The following GNAQ variants were observed in gnomAD, a reference collection of about 807,000 sequenced individuals.
The protein encoded by GNAQ is G protein subunit alpha q, also known as guanine nucleotide-binding protein G(q) subunit alpha.
GNAQ carries 8 observed loss-of-function variants against 43.9 expected under a neutral mutation model. The ratio of observed to expected loss-of-function variants is 0.18; its 90% CI spans 0.11 to 0.33. The LOEUF (loss-of-function observed/expected upper bound fraction) is 0.33, where lower values mean the gene tolerates loss of function less well. Among genes scored for constraint, GNAQ ranks in the 10% least tolerant of loss-of-function variants. GNAQ has a pLI of 1.00. For missense variants in GNAQ, 158 were observed against 450.8 expected (o/e 0.35, Z 5.88); for synonymous variants, 155 against 170.7 (o/e 0.91, Z 0.71).
chr9:77,939,926 G>A (rs1340345986), intron 1 of GNAQ, among the ~76,000 whole-genome samples: 1 of 152,122 alleles, frequency 6.6e-6, no homozygotes, highest in East Asian at 1.9e-4. Flanking sequence ...TTACCTCACA[G>A]TTATGTACTC....
intron 5 of GNAQ, among the ~76,000 whole-genome samples, chr9:77,758,947 T>TA (rs986640082): frequency 5.3e-5 from 8 of 152,108 alleles, no homozygotes; most frequent in South Asian, 2.1e-4. Context: ...GCTGTATGTT[T>TA]AAAAAAAATC....
chr9:77,992,284 T>C (rs1404839621), intron 1 of GNAQ, among the ~76,000 whole-genome samples: 1 of 152,216 alleles, frequency 6.6e-6, no homozygotes, highest in Admixed American at 6.5e-5. Context: ...TAAAATTGGC[T>C]AGTCAACTAC....
intron 1 of GNAQ, among the ~76,000 whole-genome samples, chr9:78,005,441 T>A (rs1349521763): frequency 6.6e-6 from 1 of 152,222 alleles, no homozygotes; most frequent in Admixed American, 6.5e-5. Context: ...CCCCATTGTC[T>A]GGGGAAGCGG....
At chr9:77,782,487 T>G (rs78467621) in intron 5 of GNAQ, among the ~76,000 whole-genome samples, 5,612 of 152,188 alleles carry the variant, frequency 0.037, 304 homozygotes, top group African/African-American at 0.12. Flanking sequence ...TCCCAAACAC[T>G]GACCACATCA....
At chr9:77,873,130 A>C (rs1828069116) in intron 2 of GNAQ, among the ~76,000 whole-genome samples, 1 of 152,188 alleles carries the variant, frequency 6.6e-6, no homozygotes, top group Non-Finnish European at 1.5e-5. Context: ...CATTCAAACA[A>C]CCCACTTAGC....
intron 3 of GNAQ, among the ~76,000 whole-genome samples, chr9:77,814,965 T>C (rs1473059701): frequency 6.6e-6 from 1 of 152,226 alleles, no homozygotes; most frequent in Non-Finnish European, 1.5e-5. Context: ...AGGTGAGATT[T>C]AATTCTAGAG....
chr9:77,895,040 A>C (rs1427540054), intron 2 of GNAQ, among the ~76,000 whole-genome samples: 1 of 151,502 alleles, frequency 6.6e-6, no homozygotes, highest in East Asian at 2.0e-4. Flanking sequence ...AATACAAAAA[A>C]AAAAAAAATT....
At chr9:77,868,453 G>A (rs755346654) in intron 2 of GNAQ, among the ~76,000 whole-genome samples, 3 of 152,218 alleles carry the variant, frequency 2.0e-5, no homozygotes, top group Non-Finnish European at 4.4e-5. Flanking sequence ...CTTCTGGAAT[G>A]ATGACATTTC....
Position 77,893,772 on chromosome 9 carries a change from A to T in GNAQ, c.321+28389T>A, listed in dbSNP as rs1019949662. The stretch of plus-strand genomic sequence containing the variant: ...TACTTATAGTACAAGCTTTAAGTAA[A>T]TTTATGGATTCTTGTCTATTTGGCA... On this transcript the variant is annotated intron_variant, in intron 2 of 6. Coordinates refer to ENST00000286548, the MANE Select transcript of GNAQ (RefSeq NM_002072.5). 3.3e-5 allele frequency among the ~76,000 whole-genome samples: 5 copies of T among 152,126 alleles called. No homozygotes were observed. The South Asian group carries it at 1.0e-3, about 31-fold the overall frequency.
intron 5 of GNAQ, among the ~76,000 whole-genome samples, chr9:77,750,695 G>C (rs552219198): frequency 6.6e-6 from 1 of 151,838 alleles, no homozygotes; most frequent in East Asian, 1.9e-4. Flanking sequence ...CTGAAATCAC[G>C]TATGGCTTGT....
At position 78,031,336 on chromosome 9, in the gene GNAQ, G is replaced by C; in HGVS notation, c.-101C>G. ...CTCCCCCGAGGCAGCGGTGGCCGCC[G>C]AGCCCCCGCCGCCCGGGCGCGCGTC... On this transcript the variant is annotated 5_prime_UTR_variant, in exon 1 of 7. Transcript: ENST00000286548. The C allele has an allele frequency of 1.0e-6, 1 of 965,210 alleles. No individual in the cohort carries two copies. Among genetic ancestry groups the C allele is most frequent in the South Asian group, 5.0e-5 (1 of 20,104 alleles). 59.8% of individuals were successfully genotyped at this position (965,210 alleles called of 1,614,324 possible). A position where few individuals can be genotyped will look rare whatever the true frequency, so the allele number is the denominator to read the frequency against.
chr9:77,975,537 T>C (rs112898948), intron 1 of GNAQ, among the ~76,000 whole-genome samples: 1,684 of 62,668 alleles, frequency 0.027, 6 homozygotes, highest in African/African-American at 0.076. Context: ...CAGCCCCCCC[T>C]TTTTTTTTTT....
chr9:77,845,519 G>A (rs903356774), intron 2 of GNAQ, among the ~76,000 whole-genome samples: 4 of 152,080 alleles, frequency 2.6e-5, no homozygotes, highest in Non-Finnish European at 4.4e-5. Context: ...TTTCTTCTGA[G>A]CAGGGTTATA....
chr9:78,010,549 A>G (rs996335611), intron 1 of GNAQ, among the ~76,000 whole-genome samples: 7 of 152,190 alleles, frequency 4.6e-5, no homozygotes, highest in African/African-American at 1.7e-4. Flanking sequence ...AGATTCTATA[A>G]TTATAACTCT....
At chr9:77,934,942 T>C (rs1018441848) in intron 1 of GNAQ, among the ~76,000 whole-genome samples, 2 of 152,092 alleles carry the variant, frequency 1.3e-5, no homozygotes, top group Middle Eastern at 3.2e-3. Flanking sequence ...CTGATCAACA[T>C]GGTGGAACCC....
intron 2 of GNAQ, among the ~76,000 whole-genome samples, chr9:77,886,482 A>G (rs1828308527): frequency 6.6e-6 from 1 of 152,054 alleles, no homozygotes; most frequent in South Asian, 2.1e-4. Flanking sequence ...ACAGTTCAGA[A>G]AGAACGCCCC....
chr9:77,915,643 CG>C (rs1348348426), intron 2 of GNAQ, among the ~76,000 whole-genome samples: 2 of 32,468 alleles, frequency 6.2e-5, no homozygotes, highest in Non-Finnish European at 1.2e-4. Context: ...TTGAAGCTGG[CG>C]GGGGTGGGGG....
chr9:77,864,218 C>T (rs150823725), intron 2 of GNAQ, among the ~76,000 whole-genome samples: 5 of 148,620 alleles, frequency 3.4e-5, no homozygotes, highest in Admixed American at 6.8e-5. Context: ...ACTAACAGAG[C>T]GCGAATGCAC....
chr9:77,849,550 C>G (rs770537284), intron 2 of GNAQ, among the ~76,000 whole-genome samples: 15 of 152,134 alleles, frequency 9.9e-5, no homozygotes, highest in Admixed American at 2.0e-4. Flanking sequence ...ATCTGGTCAT[C>G]CGTACTGGCT....
Sources: gnomAD v4.1 joint callset for allele counts (sites outside exome capture counted in the v4.1 genomes callset) on GRCh38, gnomAD v4.1.1 for gene constraint, MANE v1.5 for transcripts, NCBI Gene and HGNC (gene_info 2026-07-23, HGNC 2026-07-21) for gene names.